Variants in PLEKHF1 observed in about 807,000 individuals in gnomAD.
The protein encoded by PLEKHF1 is pleckstrin homology and FYVE domain containing 1.
PLEKHF1 carries 1 observed loss-of-function variant against 4.1 expected under a neutral mutation model. The observed-to-expected ratio is 0.24, with a 90% CI of 0.09 to 1.15. The LOEUF is 1.15. PLEKHF1 is among the 50% of genes most tolerant of loss of function. The pLI, the probability that PLEKHF1 is intolerant of heterozygous loss-of-function variation, is 0.52. For synonymous variants in PLEKHF1, 182 were observed against 178.5 expected (o/e 1.02, Z -0.16); for missense variants, 429 against 400.6 (o/e 1.07, Z -0.60).
intron 1 of PLEKHF1, 124 bp from the exon 2 acceptor site, chr19:29,673,700 G>A (rs1162626998): frequency 3.9e-6 from 5 of 1,294,624 alleles, no homozygotes; most frequent in Admixed American, 4.7e-5. Context: ...GCAGGCCTGC[G>A]GGTTACTGTG....
chr19:29,674,376 C>G lies in PLEKHF1; in HGVS notation c.537C>G (p.Gly179=). ...GGCGCCACCACTGCCGCAAGTGCGG[C>G]TTCGTGGTCTGCGCTGAGTGCTCGC... ...LTRRHHCRKC[G]FVVCAECSRQ... Residue 179 remains glycine (G), a synonymous_variant, in exon 2 of 2, where the codon GGC becomes GGG. Coordinates refer to ENST00000436066, the MANE Select transcript of PLEKHF1 (RefSeq NM_024310.5). 6.5e-7 allele frequency: 1 copy of G among 1,536,772 alleles called. No homozygotes were observed. Among genetic ancestry groups the G allele is most frequent in the Non-Finnish European group, 8.7e-7 (1 of 1,145,862 alleles).
At chr19:29,665,610 G>A in intron 1 of PLEKHF1, 105 bp downstream of exon 1, 1 of 1,189,680 alleles carries the variant, frequency 8.4e-7, no homozygotes, top group Non-Finnish European at 1.1e-6. Flanking sequence ...CTCCCGCCGC[G>A]CGGTCTTGGC....
chr19:29,669,987 A>C (rs1971611981), intron 1 of PLEKHF1, among the ~76,000 whole-genome samples: 1 of 152,112 alleles, frequency 6.6e-6, no homozygotes, highest in African/African-American at 2.4e-5. Flanking sequence ...GCTGGAGTGC[A>C]GTGGTGTGAT....
intron 1 of PLEKHF1, among the ~76,000 whole-genome samples, chr19:29,670,741 G>A (rs765331462): frequency 6.6e-6 from 1 of 151,820 alleles, no homozygotes; most frequent in Non-Finnish European, 1.5e-5. Context: ...ACAGTGGCGC[G>A]ATCTCGGCTC....
Position 29,674,505 on chromosome 19 carries a change from G to C in PLEKHF1, c.666G>C (p.Glu222Asp), listed in dbSNP as rs1229498660. ...AGCAGCGGCAGGAGGAGGCGGAGGA[G>C]CAGGGCGCGGGGTCCCCAGGGCAGC... is the stretch of plus-strand genomic sequence containing the variant. ...AAQQRQEEAEEQGAGSPGQPA... is the reference protein window; with the variant it reads ...AAQQRQEEAEDQGAGSPGQPA... The change falls in exon 2 of 2, where the codon GAG (glutamate) becomes GAC (aspartate). Residue 222 changes from glutamate to aspartate, a missense_variant. Transcript: ENST00000436066. 4 of 1,555,086 alleles carry C rather than the reference G, an allele frequency of 2.6e-6. No homozygotes were observed. The highest frequency in any genetic ancestry group is 2.6e-6 in the Non-Finnish European group (3 of 1,152,834).
Position 29,673,898 on chromosome 19 carries a change from G to A in PLEKHF1, c.59G>A (p.Ser20Asn). ...INSQRIAAVE[S>N]CFGASGQPLA... ...AGCCAGCGCATCGCGGCAGTGGAGA[G>A]CTGCTTCGGGGCCTCGGGGCAGCCG... is the stretch of plus-strand genomic sequence containing the variant. Residue 20 changes from serine to asparagine, a missense_variant, in exon 2 of 2, where the codon AGC becomes AAC. Ser to Asn is a conservative substitution (Grantham distance 46, BLOSUM62 1). Transcript: ENST00000436066. 6.2e-7 allele frequency: 1 copy of A among 1,612,126 alleles called. No homozygotes were observed. Among genetic ancestry groups the A allele is most frequent in the Non-Finnish European group, 8.5e-7 (1 of 1,178,882 alleles).
chr19:29,666,266 G>A (rs528678173), intron 1 of PLEKHF1, among the ~76,000 whole-genome samples: 1 of 152,284 alleles, frequency 6.6e-6, no homozygotes, highest in African/African-American at 2.4e-5. Context: ...GAACACCTCT[G>A]GTATCTCCTG....
chr19:29,673,879 C>T lies in PLEKHF1; in HGVS notation c.40C>T (p.Arg14Cys), dbSNP rs139569326. 21 of 1,608,332 alleles carry T rather than the reference C, an allele frequency of 1.3e-5. No homozygotes were observed. The highest frequency in any genetic ancestry group is 1.6e-5 in the Non-Finnish European group (19 of 1,176,230). Residue 14 changes from arginine (R) to cysteine (C), a missense_variant, in exon 2 of 2, where the codon CGC (arginine) becomes TGC (cysteine). Physicochemically the swap from Arg to Cys is radical, Grantham distance 180 (BLOSUM62 -3). Coordinates refer to ENST00000436066, the MANE Select transcript of PLEKHF1 (RefSeq NM_024310.5). ...GGCCAACACGGAGATCAACAGCCAG[C>T]GCATCGCGGCAGTGGAGAGCTGCTT... ...HLANTEINSQ[R>C]IAAVESCFGA...
In PLEKHF1 at chr19:29,665,524, C is replaced by T; in HGVS notation, c.-17+19C>T. On this transcript the variant is annotated intron_variant, in intron 1 of 1. Coordinates refer to ENST00000436066, the MANE Select transcript of PLEKHF1 (RefSeq NM_024310.5). ...GCAGAAGGTGAGTCCCCCCACCGTCCCCCGGCCGGGCTGCGGGTCGCGGGG... is the reference window on the plus strand; with the variant it reads ...GCAGAAGGTGAGTCCCCCCACCGTCTCCCGGCCGGGCTGCGGGTCGCGGGG... 8.0e-7 allele frequency: 1 copy of T among 1,246,012 alleles called. No homozygotes were observed. Among genetic ancestry groups the T allele is most frequent in the Non-Finnish European group, 1.0e-6 (1 of 968,078 alleles). The allele number at this position is 1,246,012 out of a possible 1,614,324, so 77.2% of individuals were successfully genotyped here. A position where few individuals can be genotyped will look rare whatever the true frequency, so the allele number is the denominator to read the frequency against.
chr19:29,674,062 C>T lies in PLEKHF1; in HGVS notation c.223C>T (p.Arg75Cys), dbSNP rs779103546. Residue 75 changes from arginine to cysteine, a missense_variant, in exon 2 of 2, where the codon CGC (arginine) becomes TGC (cysteine). Coordinates refer to ENST00000436066, the MANE Select transcript of PLEKHF1 (RefSeq NM_024310.5). Reference protein sequence around the residue: ...GSIVLNKRKYRSQHIIPLEEV... With the variant: ...GSIVLNKRKYCSQHIIPLEEV... ...CATCGTGCTCAACAAGCGCAAGTACCGCAGCCAGCACATCATCCCCCTGGA... is the reference window on the plus strand; with the variant it reads ...CATCGTGCTCAACAAGCGCAAGTACTGCAGCCAGCACATCATCCCCCTGGA... 5 of 1,613,980 alleles carry T rather than the reference C, an allele frequency of 3.1e-6. No homozygotes were observed. The highest frequency in any genetic ancestry group is 2.2e-5 in the South Asian group (2 of 91,096).
Position 29,668,407 on chromosome 19 carries a change from G to A in PLEKHF1, c.-17+2902G>A, listed in dbSNP as rs376559439. On this transcript the variant is annotated intron_variant, in intron 1 of 1. Transcript: ENST00000436066. ...AGCAAGGGAGGTTCACTTCCCTAGTGAGAACAATTAAAAAAAAAAAAAGGA... is the reference window on the plus strand; with the variant it reads ...AGCAAGGGAGGTTCACTTCCCTAGTAAGAACAATTAAAAAAAAAAAAAGGA... 2.5e-3 allele frequency among the ~76,000 whole-genome samples: 383 copies of A among 150,800 alleles called. 1 individual carries two copies. Among genetic ancestry groups the A allele is most frequent in the African/African-American group, 9.0e-3 (368 of 41,048 alleles).
In PLEKHF1 at chr19:29,673,815, C is replaced by T. The variant is rs1971657863; in HGVS notation, c.-16-9C>T. On this transcript the variant is annotated splice_polypyrimidine_tract_variant and intron_variant, in intron 1 of 1. Coordinates refer to ENST00000436066, the MANE Select transcript of PLEKHF1 (RefSeq NM_024310.5). ...CCTGGACATACTCCTTGTCTGTCTC[C>T]TCCTGCAGCCGCCAGCTGGAGACGA... 6.4e-7 allele frequency: 1 copy of T among 1,574,214 alleles called. No homozygotes were observed. Among genetic ancestry groups the T allele is most frequent in the Non-Finnish European group, 8.6e-7 (1 of 1,157,942 alleles).
rs554302742 is a variant in PLEKHF1 at position 29,674,893 on chromosome 19, C to A, written c.*214C>A. ...GTAATGCCTTTCCCTTCAGGAAGCCCCAGAACACCCACAGGTCTTGGTAAC... is the reference window on the plus strand; with the variant it reads ...GTAATGCCTTTCCCTTCAGGAAGCCACAGAACACCCACAGGTCTTGGTAAC... On this transcript the variant is annotated 3_prime_UTR_variant, in exon 2 of 2. Coordinates refer to ENST00000436066, the MANE Select transcript of PLEKHF1 (RefSeq NM_024310.5). 8.8e-6 allele frequency: 6 copies of A among 679,490 alleles called. No homozygotes were observed. The East Asian group carries it at 1.7e-4, about 20-fold the overall frequency. 42.1% of individuals were successfully genotyped at this position (679,490 alleles called of 1,614,324 possible).
At chr19:29,665,645 T>G in intron 1 of PLEKHF1, 140 bp downstream of exon 1, 1 of 1,152,116 alleles carries the variant, frequency 8.7e-7, no homozygotes, top group Non-Finnish European at 1.1e-6. Context: ...CGGGGCGCAG[T>G]GCCGCTGACT....
chr19:29,668,386 A>AG (rs1186816023), intron 1 of PLEKHF1, among the ~76,000 whole-genome samples: 1 of 151,980 alleles, frequency 6.6e-6, no homozygotes, highest in Admixed American at 6.6e-5. Flanking sequence ...GTGCTAAGCA[A>AG]GGGAGGTTCA....
In PLEKHF1 at chr19:29,674,354, G is replaced by A; in HGVS notation, c.515G>A (p.Arg172His). 1 of 1,546,180 alleles carries A rather than the reference G, an allele frequency of 6.5e-7. No homozygotes were observed. Among genetic ancestry groups the A allele is most frequent in the Non-Finnish European group, 8.7e-7 (1 of 1,151,626 alleles). The stretch of plus-strand genomic sequence containing the variant: ...ACGCGCTTCTCTGCCCTCACGAGGC[G>A]CCACCACTGCCGCAAGTGCGGCTTC... ...TQTRFSALTR[R>H]HHCRKCGFVV... Residue 172 changes from arginine to histidine, a missense_variant, in exon 2 of 2, where the codon CGC becomes CAC. Transcript: ENST00000436066.
At chr19:29,666,559 C>G (rs932921045) in intron 1 of PLEKHF1, among the ~76,000 whole-genome samples, 1 of 152,156 alleles carries the variant, frequency 6.6e-6, no homozygotes, top group African/African-American at 2.4e-5. Context: ...AGCTGACGGA[C>G]CTGCTCGGGA....
At chr19:29,673,732 C>A in intron 1 of PLEKHF1, 92 bp from the exon 2 acceptor site, 2 of 1,504,628 alleles carry the variant, frequency 1.3e-6, no homozygotes, top group Non-Finnish European at 1.8e-6. Context: ...GGCTGCCTGG[C>A]ATGGTGGGTT....
At position 29,674,950 on chromosome 19, in the gene PLEKHF1, G is replaced by C. The variant is rs1204745805; in HGVS notation, c.*271G>C. 2.2e-6 allele frequency: 1 copy of C among 459,700 alleles called. No individual in the cohort carries two copies. The highest frequency in any genetic ancestry group is 2.0e-5 in the African/African-American group (1 of 49,982). 28.5% of individuals were successfully genotyped at this position (459,700 alleles called of 1,614,324 possible). A position where few individuals can be genotyped will look rare whatever the true frequency, so the allele number is the denominator to read the frequency against. ...CACCTTACACTCTGCAGGCTGCAGC[G>C]GCAGCTCCAGATGGCCTCCTGAGCT... On this transcript the variant is annotated 3_prime_UTR_variant, in exon 2 of 2. Coordinates refer to ENST00000436066, the MANE Select transcript of PLEKHF1 (RefSeq NM_024310.5).
Sources: allele counts gnomAD v4.1 joint callset (sites outside exome capture counted in the v4.1 genomes callset), GRCh38; gene constraint gnomAD v4.1.1; transcripts MANE v1.5; gene names NCBI Gene and HGNC (gene_info 2026-07-23, HGNC 2026-07-21).